Variants in KCNH5 observed in about 807,000 individuals in gnomAD.
KCNH5 encodes voltage-gated delayed rectifier potassium channel KCNH5.
KCNH5 carries 46 observed loss-of-function variants against 96.1 expected under a neutral mutation model. That is an observed-to-expected ratio of 0.48 (90% CI 0.38 to 0.61). KCNH5 has a LOEUF of 0.61. Among genes scored for constraint, KCNH5 ranks in the 20% least tolerant of loss-of-function variants. KCNH5 has a pLI of 0.00. For synonymous variants in KCNH5, 439 were observed against 449.8 expected (o/e 0.98, Z 0.30); for missense variants, 907 against 1,225.8 (o/e 0.74, Z 3.88).
chr14:62,935,132 T>C (rs1889654673), intron 7 of KCNH5, among the ~76,000 whole-genome samples: 1 of 152,084 alleles, frequency 6.6e-6, no homozygotes, highest in South Asian at 2.1e-4. Context: ...TACAGAAAAA[T>C]GAAATCAGTC....
chr14:62,708,288 A>G lies in KCNH5; in HGVS notation c.2187T>C (p.Pro729=), dbSNP rs2139899374. The G allele has an allele frequency of 6.2e-7, 1 of 1,614,200 alleles. No individual in the cohort carries two copies. The highest frequency in any genetic ancestry group is 1.1e-5 in the South Asian group (1 of 91,080). Residue 729 remains proline, a synonymous_variant, in exon 11 of 11, where the codon CCT becomes CCC. Transcript: ENST00000322893. ...LRNQGSTQGD[P]ERNQLQVESR... ...TCTCTACCTGGAGTTGGTTCCTCTC[A>G]GGGTCACCCTGTGTTGAGCCCTGAT...
At chr14:62,839,697 ATAT>A (rs1887536907) in intron 8 of KCNH5, among the ~76,000 whole-genome samples, 1 of 152,156 alleles carries the variant, frequency 6.6e-6, no homozygotes, top group African/African-American at 2.4e-5. Flanking sequence ...AGACCATTTA[ATAT>A]TATTAATTTA....
chr14:62,855,158 T>C (rs1887904102), intron 7 of KCNH5, among the ~76,000 whole-genome samples: 1 of 152,020 alleles, frequency 6.6e-6, no homozygotes, highest in Non-Finnish European at 1.5e-5. Flanking sequence ...TAAAGGCCCC[T>C]GGCCAATAGC....
intron 1 of KCNH5, among the ~76,000 whole-genome samples, chr14:63,031,839 T>G (rs1891633575): frequency 6.6e-6 from 1 of 152,158 alleles, no homozygotes; most frequent in South Asian, 2.1e-4. Context: ...ACTATTTATA[T>G]GTATATAAAA....
intron 10 of KCNH5, among the ~76,000 whole-genome samples, chr14:62,750,287 G>A (rs1885469807): frequency 6.6e-6 from 1 of 152,170 alleles, no homozygotes; most frequent in Admixed American, 6.5e-5. Flanking sequence ...AAGTGAAACA[G>A]GGAAGCTCTT....
chr14:63,021,199 G>A (rs972970094), intron 1 of KCNH5, among the ~76,000 whole-genome samples: 4 of 151,938 alleles, frequency 2.6e-5, no homozygotes, highest in African/African-American at 9.7e-5. Context: ...TTGTGATTAG[G>A]TGAATGCTAA....
intron 5 of KCNH5, among the ~76,000 whole-genome samples, chr14:62,986,433 T>A (rs992194949): frequency 1.3e-5 from 2 of 152,092 alleles, no homozygotes; most frequent in African/African-American, 4.8e-5. Flanking sequence ...TCAACTACAG[T>A]AAAGTCATAC....
intron 10 of KCNH5, among the ~76,000 whole-genome samples, chr14:62,720,928 G>A (rs1288842916): frequency 6.6e-6 from 1 of 152,184 alleles, no homozygotes; most frequent in African/African-American, 2.4e-5. Flanking sequence ...GTATGCAAAA[G>A]TGAAGAAGCG....
chr14:62,977,940 CA>C (rs1890532320), intron 6 of KCNH5, among the ~76,000 whole-genome samples: 1 of 152,304 alleles, frequency 6.6e-6, no homozygotes, highest in East Asian at 1.9e-4. Flanking sequence ...CACTTTTACA[CA>C]GTAAATGGAT....
intron 1 of KCNH5, among the ~76,000 whole-genome samples, chr14:63,044,821 A>G (rs929924878): frequency 2.0e-5 from 3 of 152,086 alleles, no homozygotes; most frequent in Admixed American, 6.5e-5. Context: ...ACTCAACTCT[A>G]TGTTCCAGAT....
At chr14:62,882,057 A>G (rs950587545) in intron 7 of KCNH5, among the ~76,000 whole-genome samples, 9 of 141,540 alleles carry the variant, frequency 6.4e-5, no homozygotes, top group Non-Finnish European at 1.4e-4. Context: ...TGAGGCCCAG[A>G]GTTTGAGACC....
At chr14:62,772,587 A>G (rs1351011390) in intron 10 of KCNH5, among the ~76,000 whole-genome samples, 3 of 150,972 alleles carry the variant, frequency 2.0e-5, no homozygotes, top group African/African-American at 7.3e-5. Flanking sequence ...CAGTGAGCCA[A>G]GATCGTGCCA....
chr14:62,972,988 G>A (rs1315930794), intron 6 of KCNH5, among the ~76,000 whole-genome samples: 1 of 152,140 alleles, frequency 6.6e-6, no homozygotes, highest in Admixed American at 6.6e-5. Flanking sequence ...AAGAGTGAAA[G>A]CCACTAGAAA....
rs138810848 is a variant in KCNH5 at position 62,807,427 on chromosome 14, T to G, written c.1570-4846A>C. ...ATATTCTGAAAGCAAAATAAAAAAC[T>G]ATAATGCCTTTTAGTTCATGTAACT... On this transcript the variant is annotated intron_variant, in intron 8 of 10. Coordinates refer to ENST00000322893, the MANE Select transcript of KCNH5 (RefSeq NM_139318.5). Among the ~76,000 whole-genome samples the G allele has an allele frequency of 8.8e-3, 1,334 of 152,192 alleles. 15 individuals carry two copies. Among genetic ancestry groups the G allele is most frequent in the African/African-American group, 0.029 (1,218 of 41,548 alleles).
rs113918706 is a variant in KCNH5, at chr14:62,710,972, T to C, written c.2020-2517A>G. ...TATATAATAGACAAGGACATTCCTA[T>C]TTTGTAATGTCTACATGTCCTGCCA... On this transcript the variant is annotated intron_variant, in intron 10 of 10. Transcript: ENST00000322893. Among the ~76,000 whole-genome samples, 1,049 of 152,332 alleles carry C rather than the reference T, an allele frequency of 6.9e-3. 10 individuals carry two copies. The highest frequency in any genetic ancestry group is 0.023 in the African/African-American group (976 of 41,576).
chr14:62,986,541 A>G (rs1890711924), intron 5 of KCNH5, among the ~76,000 whole-genome samples: 1 of 151,918 alleles, frequency 6.6e-6, no homozygotes, highest in Admixed American at 6.6e-5. Flanking sequence ...TAGCTCTCAC[A>G]TTTTCCCTTC....
intron 6 of KCNH5, among the ~76,000 whole-genome samples, chr14:62,959,252 T>C (rs1376534052): frequency 1.3e-5 from 2 of 152,164 alleles, no homozygotes; most frequent in Admixed American, 1.3e-4. Flanking sequence ...TACATCTCTC[T>C]TTTAACAGCA....
chr14:63,021,810 C>G (rs921699500), intron 1 of KCNH5, among the ~76,000 whole-genome samples: 3 of 152,124 alleles, frequency 2.0e-5, no homozygotes, highest in African/African-American at 4.8e-5. Flanking sequence ...AAAAGTCTCT[C>G]AATGCTTGGC....
chr14:62,794,848 G>A (rs1366406543), intron 9 of KCNH5, among the ~76,000 whole-genome samples: 1 of 151,874 alleles, frequency 6.6e-6, no homozygotes, highest in Admixed American at 6.6e-5. Flanking sequence ...CAGATTTATT[G>A]AATCATTCAT....
Sources: allele counts gnomAD v4.1 joint callset (sites outside exome capture counted in the v4.1 genomes callset), GRCh38; gene constraint gnomAD v4.1.1; transcripts MANE v1.5; gene names NCBI Gene and HGNC (gene_info 2026-07-23, HGNC 2026-07-21).